Variants in VWA3B observed in about 807,000 individuals in gnomAD.
VWA3B encodes the protein von Willebrand factor A domain-containing protein 3B.
VWA3B carries 138 observed loss-of-function variants against 158.3 expected under a neutral mutation model. The observed-to-expected ratio is 0.87, with a 90% CI of 0.76 to 1.00. VWA3B has a LOEUF of 1.00. Ranked by LOEUF, VWA3B falls within the 50% of genes least tolerant of loss-of-function variation. The pLI is 0.00. For synonymous variants in VWA3B, 596 were observed against 587.3 expected (o/e 1.01, Z -0.21); for missense variants, 1,555 against 1,565.1 (o/e 0.99, Z 0.11).
Position 98,231,041 on chromosome 2 carries a change from C to T in VWA3B, c.2308+834C>T, listed in dbSNP as rs1574146978. The stretch of plus-strand genomic sequence containing the variant: ...TATATTAAAGTCATTCATAATTGCT[C>T]CAAATAAAATAAAATAATTAGGTGA... On this transcript the variant is annotated intron_variant, in intron 16 of 27. Coordinates refer to ENST00000477737, the MANE Select transcript of VWA3B (RefSeq NM_144992.5). Among the ~76,000 whole-genome samples the T allele has an allele frequency of 2.0e-5, 3 of 152,164 alleles. No homozygotes were observed. In the South Asian group the frequency reaches 6.2e-4, roughly 32 times the overall value.
intron 19 of VWA3B, among the ~76,000 whole-genome samples, chr2:98,246,513 G>A (rs1686404921): frequency 6.6e-6 from 1 of 152,014 alleles, no homozygotes; most frequent in Non-Finnish European, 1.5e-5. Flanking sequence ...AGGCAGCTGG[G>A]ATTACAGGCA....
rs376327153 is a variant in VWA3B at position 98,236,684 on chromosome 2, A to G, written c.2627A>G (p.Tyr876Cys). The G allele has an allele frequency of 5.1e-5, 83 of 1,614,104 alleles. No individual in the cohort carries two copies. The highest frequency in any genetic ancestry group is 6.9e-5 in the Non-Finnish European group (81 of 1,180,046). Residue 876 changes from tyrosine (Y) to cysteine (C), a missense_variant, in exon 19 of 28, where the codon TAT (tyrosine) becomes TGT (cysteine). Transcript: ENST00000477737. ...SVAAVPHSST[Y>C]VPVLDKHVVS... ...GCAGCAGTCCCGCACAGCTCCACCT[A>G]TGTTCCCGTCCTGGACAAGCATGTC...
At chr2:98,312,076 A>G (rs752244522) in intron 27 of VWA3B, 44 bp downstream of exon 27, 8 of 1,598,650 alleles carry the variant, frequency 5.0e-6, no homozygotes, top group Non-Finnish European at 6.0e-6. Context: ...TATCTCAGGA[A>G]CACCCTGAAA....
At chr2:98,143,453 G>A (rs1362620385) in intron 7 of VWA3B, among the ~76,000 whole-genome samples, 8 of 152,130 alleles carry the variant, frequency 5.3e-5, no homozygotes, top group Admixed American at 5.2e-4. Flanking sequence ...ATGTCTATTG[G>A]GTAGCACTGC....
intron 21 of VWA3B, among the ~76,000 whole-genome samples, chr2:98,261,716 A>G (rs770204668): frequency 3.3e-5 from 5 of 151,910 alleles, no homozygotes; most frequent in Middle Eastern, 3.4e-3. Context: ...GACATTAAAT[A>G]TATCAACATG....
intron 8 of VWA3B, among the ~76,000 whole-genome samples, chr2:98,170,364 C>G (rs531879644): frequency 3.9e-5 from 6 of 152,244 alleles, no homozygotes; most frequent in Admixed American, 2.6e-4. Flanking sequence ...AGATTTGGCT[C>G]CAAATACTTG....
chr2:98,205,906 A>T (rs2105504490), intron 12 of VWA3B, among the ~76,000 whole-genome samples: 1 of 152,270 alleles, frequency 6.6e-6, no homozygotes, highest in Admixed American at 6.5e-5. Context: ...ATGATTTCAA[A>T]TCTTTTAAAT....
At chr2:98,147,093 G>T (rs1374305973) in intron 7 of VWA3B, among the ~76,000 whole-genome samples, 2 of 152,180 alleles carry the variant, frequency 1.3e-5, no homozygotes, top group East Asian at 3.8e-4. Flanking sequence ...ATATACAATT[G>T]TGGTGTTTTA....
At chr2:98,126,033 T>G (rs116837320) in intron 5 of VWA3B, among the ~76,000 whole-genome samples, 4 of 151,320 alleles carry the variant, frequency 2.6e-5, no homozygotes, top group African/African-American at 7.3e-5. Flanking sequence ...TACAGGAGAG[T>G]GGGGGGGATA....
chr2:98,215,953 T>G (rs1250815452), intron 13 of VWA3B, among the ~76,000 whole-genome samples: 3 of 152,344 alleles, frequency 2.0e-5, no homozygotes, highest in South Asian at 4.1e-4. Flanking sequence ...TCATGTTCTA[T>G]GTAGAAGATA....
intron 21 of VWA3B, 101 bp from the exon 22 acceptor site, chr2:98,270,581 G>T (rs1300505731): frequency 1.6e-6 from 2 of 1,233,812 alleles, no homozygotes; most frequent in Non-Finnish European, 2.2e-6. Context: ...TCTCAGGGGA[G>T]AATTTCTTAG....
At chr2:98,316,430 C>T (rs113413350), downstream of VWA3B, among the ~76,000 whole-genome samples, 4,182 of 152,116 alleles carry the variant, frequency 0.027, 74 homozygotes, top group Non-Finnish European at 0.04. Flanking sequence ...ATCATTTGAG[C>T]TCAGAAGTTC....
intron 22 of VWA3B, among the ~76,000 whole-genome samples, chr2:98,276,895 C>A (rs1277830021): frequency 2.0e-5 from 3 of 152,208 alleles, no homozygotes; most frequent in African/African-American, 7.2e-5. Context: ...CCATAGCTGC[C>A]TTGCCGATTC....
intron 22 of VWA3B, among the ~76,000 whole-genome samples, chr2:98,282,256 C>G (rs1284126302): frequency 6.6e-6 from 1 of 151,236 alleles, no homozygotes; most frequent in African/African-American, 2.5e-5. Context: ...CTGAAGCTGG[C>G]CATTGTGCTT....
chr2:98,227,315 A>G (rs542234610), intron 14 of VWA3B, among the ~76,000 whole-genome samples: 1 of 152,292 alleles, frequency 6.6e-6, no homozygotes, highest in East Asian at 1.9e-4. Context: ...AGAGAATAAA[A>G]TGCCTAGGAA....
intron 21 of VWA3B, 76 bp from the exon 22 acceptor site, chr2:98,270,606 A>G (rs950483988): frequency 1.8e-5 from 26 of 1,443,586 alleles, no homozygotes; most frequent in Non-Finnish European, 2.5e-5. Context: ...CCATCTTACC[A>G]TATTTTTTTA....
chr2:98,178,468 A>G (rs766677204), intron 8 of VWA3B, among the ~76,000 whole-genome samples: 4 of 152,210 alleles, frequency 2.6e-5, no homozygotes, highest in African/African-American at 4.8e-5. Context: ...CTCTAACATG[A>G]TTTATGTCTT....
At chr2:98,109,468 G>GGGAAGA (rs1673960402) in intron 2 of VWA3B, among the ~76,000 whole-genome samples, 1 of 152,028 alleles carries the variant, frequency 6.6e-6, no homozygotes, top group Non-Finnish European at 1.5e-5. Context: ...ATAATAAAAT[G>GGGAAGA]TATTATTTTA....
chr2:98,202,818 G>A (rs1414671516), intron 12 of VWA3B, among the ~76,000 whole-genome samples: 3 of 150,788 alleles, frequency 2.0e-5, no homozygotes, highest in African/African-American at 4.9e-5. Flanking sequence ...GATCTAGGTT[G>A]AGGTTTATTT....
Sources: gnomAD v4.1 joint callset for allele counts (sites outside exome capture counted in the v4.1 genomes callset) on GRCh38, gnomAD v4.1.1 for gene constraint, MANE v1.5 for transcripts, NCBI Gene and HGNC (gene_info 2026-07-23, HGNC 2026-07-21) for gene names.